Variants in ZNF585B observed in about 807,000 individuals in gnomAD.
The protein encoded by ZNF585B is zinc finger protein 585B, also known as zinc finger protein 41-like protein.
Under a neutral mutation model 14.0 loss-of-function variants are expected in ZNF585B, and 7 were observed. That is an observed-to-expected ratio of 0.50 (90% CI 0.28 to 0.94). The LOEUF is 0.94. Ranked by LOEUF, ZNF585B falls within the 40% of genes least tolerant of loss-of-function variation. The pLI is 0.09. For missense variants in ZNF585B, 750 were observed against 924.4 expected (o/e 0.81, Z 2.45); for synonymous variants, 290 against 317.3 (o/e 0.91, Z 0.91).
chr19:37,198,197 C>CT (rs1307161111), intron 2 of ZNF585B, among the ~76,000 whole-genome samples: 1 of 151,906 alleles, frequency 6.6e-6, no homozygotes, highest in East Asian at 1.9e-4. Flanking sequence ...TTGAGATGGA[C>CT]TTTTGCTCTT....
chr19:37,209,865 G>A (rs1207495374), intron 1 of ZNF585B, among the ~76,000 whole-genome samples: 1 of 151,272 alleles, frequency 6.6e-6, no homozygotes, highest in East Asian at 2.0e-4. Flanking sequence ...ACAGGCGCCC[G>A]CCACCACGCC....
At position 37,186,591 on chromosome 19, in the gene ZNF585B, G is replaced by T. The variant is rs1291494739; in HGVS notation, c.946C>A (p.His316Asn). 1.9e-6 allele frequency: 3 copies of T among 1,614,108 alleles called. No homozygotes were observed. Among genetic ancestry groups the T allele is most frequent in the Non-Finnish European group, 2.5e-6 (3 of 1,180,054 alleles). The change falls in exon 5 of 5, where the codon CAT becomes AAT. Residue 316 changes from histidine to asparagine, a missense_variant. Physicochemically the swap from His to Asn is moderately conservative, Grantham distance 68 (BLOSUM62 1). Transcript: ENST00000532828. ...TTCACTCTTGTGTGAACACGTTGAT[G>T]TACCTGAAGTTGTGACTTGGAAATG... ...SFISKSQLQV[H>N]QRVHTRVKPY... is the part of the protein sequence containing the mutation.
chr19:37,184,258 CAGG>C lies in ZNF585B; in HGVS notation c.*966_*968del, dbSNP rs1972292871. 6.6e-6 allele frequency: 1 copy of C among 151,788 alleles called. No individual in the cohort carries two copies. Among genetic ancestry groups the C allele is most frequent in the Admixed American group, 6.6e-5 (1 of 15,168 alleles). 9.4% of individuals were successfully genotyped at this position (151,788 alleles called of 1,614,324 possible). On this transcript the variant is annotated 3_prime_UTR_variant, in exon 5 of 5. Transcript: ENST00000532828. Reference sequence around the variant, plus strand: ...ATCCCAGCTACTCAGGAGGCTGAGGCAGGAGAATTGCTTGAGCCCGGGAGACGG... The same window carrying C: ...ATCCCAGCTACTCAGGAGGCTGAGGCAGAATTGCTTGAGCCCGGGAGACGG...
chr19:37,198,174 T>G (rs1468599726), intron 2 of ZNF585B, among the ~76,000 whole-genome samples: 3 of 152,084 alleles, frequency 2.0e-5, no homozygotes, highest in Non-Finnish European at 4.4e-5. Flanking sequence ...ATTTATTTTA[T>G]TATTATTATT....
At chr19:37,190,855 C>T (rs569068521) in intron 2 of ZNF585B, among the ~76,000 whole-genome samples, 4 of 152,180 alleles carry the variant, frequency 2.6e-5, no homozygotes, top group Admixed American at 6.5e-5. Context: ...TGAGCCACCG[C>T]GCCTGGCCAA....
chr19:37,197,137 C>G (rs150154229), intron 2 of ZNF585B, among the ~76,000 whole-genome samples: 19 of 151,968 alleles, frequency 1.3e-4, no homozygotes, highest in Non-Finnish European at 1.3e-4. Flanking sequence ...CCCAGCCCCC[C>G]ACCCCACAAC....
chr19:37,201,338 TAAACTATAGG>T (rs955868765), intron 2 of ZNF585B, among the ~76,000 whole-genome samples: 1 of 152,200 alleles, frequency 6.6e-6, no homozygotes, highest in Non-Finnish European at 1.5e-5. Flanking sequence ...TCAAAATTTA[TAAACTATAGG>T]AAACTATAGG....
At position 37,181,748 on chromosome 19, in the gene ZNF585B, T is replaced by G. The variant is rs1377814207; in HGVS notation, c.*3479A>C. ...GCTACGAAAAGACATGGAAGAAACT[T>G]AAATCCACATTACTAAGTGAAACAA... On this transcript the variant is annotated 3_prime_UTR_variant, in exon 5 of 5. Coordinates refer to ENST00000532828, the MANE Select transcript of ZNF585B (RefSeq NM_152279.4). The G allele has an allele frequency of 1.3e-5, 2 of 149,276 alleles. No individual in the cohort carries two copies. Among genetic ancestry groups the G allele is most frequent in the Non-Finnish European group, 3.0e-5 (2 of 67,566 alleles). The allele number at this position is 149,276 out of a possible 1,614,324, so 9.2% of individuals were successfully genotyped here.
intron 3 of ZNF585B, 79 bp from the exon 4 acceptor site, chr19:37,189,832 TGATG>T: frequency 6.3e-7 from 1 of 1,597,946 alleles, no homozygotes; most frequent in Non-Finnish European, 8.6e-7. Flanking sequence ...TATTGTTCAA[TGATG>T]GTTTGTTCTT....
At position 37,189,945 on chromosome 19, in the gene ZNF585B, T is replaced by C; in HGVS notation, c.199+79A>G. ...GGACAAAACCATCACCTATCTAAGA[T>C]GCCAACAGCATTCGTCAACTGAGAA... On this transcript the variant is annotated intron_variant, in intron 3 of 4. Transcript: ENST00000532828. 9 of 1,590,244 alleles carry C rather than the reference T, an allele frequency of 5.7e-6. No individual in the cohort carries two copies. In the South Asian group the frequency reaches 9.2e-5, roughly 16 times the overall value.
In ZNF585B at chr19:37,182,168, A is replaced by G. The variant is rs954388491; in HGVS notation, c.*3059T>C. 2 of 152,222 alleles carry G rather than the reference A, an allele frequency of 1.3e-5. No homozygotes were observed. The highest frequency in any genetic ancestry group is 2.4e-5 in the African/African-American group (1 of 41,454). The allele number at this position is 152,222 out of a possible 1,614,324, so 9.4% of individuals were successfully genotyped here. On this transcript the variant is annotated 3_prime_UTR_variant, in exon 5 of 5. Transcript: ENST00000532828. ...ATTTCTCTAAAAACTAGTCTTTTATATAAATGGGCATACATATACATATAT... is the reference window on the plus strand; with the variant it reads ...ATTTCTCTAAAAACTAGTCTTTTATGTAAATGGGCATACATATACATATAT...
At chr19:37,202,651 T>G (rs530821523) in intron 2 of ZNF585B, among the ~76,000 whole-genome samples, 6 of 151,556 alleles carry the variant, frequency 4.0e-5, no homozygotes, top group Admixed American at 2.6e-4. Context: ...TTTTTTTTTT[T>G]TTTTTTTTGA....
In ZNF585B at chr19:37,186,972, T is replaced by C. The variant is rs762518152; in HGVS notation, c.565A>G (p.Asn189Asp). 1.2e-6 allele frequency: 2 copies of C among 1,614,150 alleles called. No homozygotes were observed. The highest frequency in any genetic ancestry group is 4.5e-5 in the East Asian group (2 of 44,882). ...TGAAAAAAGGATTTTCCACATTCAT[T>C]GCACTTATAGGGCTTCTCTCTCATA... ...THMREKPYKCNECGKSFFQVS... is the reference protein window; with the variant it reads ...THMREKPYKCDECGKSFFQVS... Residue 189 changes from asparagine to aspartate, a missense_variant, in exon 5 of 5, where the codon AAT becomes GAT. Physicochemically the swap from Asn to Asp is conservative, Grantham distance 23. This residue lies in a region of ZNF585B where 517 missense variants were observed against 570.3 expected (regional missense o/e 0.91). Coordinates refer to ENST00000532828, the MANE Select transcript of ZNF585B (RefSeq NM_152279.4).
intron 2 of ZNF585B, among the ~76,000 whole-genome samples, chr19:37,203,142 GCTTTT>G (rs776952735): frequency 9.2e-5 from 14 of 151,908 alleles, no homozygotes; most frequent in East Asian, 1.9e-4. Context: ...TCATGTCTTT[GCTTTT>G]CTTTTTTTAG....
At chr19:37,187,471 G>A (rs1220902328) in intron 4 of ZNF585B, among the ~76,000 whole-genome samples, 7 of 152,096 alleles carry the variant, frequency 4.6e-5, no homozygotes, top group Non-Finnish European at 8.8e-5. Flanking sequence ...CCTATTTGTA[G>A]TCAATATTTT....
chr19:37,198,228 A>G (rs955604619), intron 2 of ZNF585B, among the ~76,000 whole-genome samples: 1 of 151,908 alleles, frequency 6.6e-6, no homozygotes, highest in Non-Finnish European at 1.5e-5. Flanking sequence ...TTGGAGTGTA[A>G]TGGCGTGATC....
chr19:37,208,983 C>T (rs1972616177), intron 1 of ZNF585B, among the ~76,000 whole-genome samples: 1 of 151,248 alleles, frequency 6.6e-6, no homozygotes, highest in Non-Finnish European at 1.5e-5. Context: ...CAGAGCAAGA[C>T]TCTGTCTCAA....
intron 2 of ZNF585B, among the ~76,000 whole-genome samples, chr19:37,199,818 G>GGTGGATC (rs906493934): frequency 3.9e-5 from 6 of 151,980 alleles, no homozygotes; most frequent in Non-Finnish European, 8.8e-5. Context: ...GGCCGAGGTG[G>GGTGGATC]GTGGATCATG....
chr19:37,200,295 T>TA (rs1972517424), intron 2 of ZNF585B, among the ~76,000 whole-genome samples: 1 of 151,758 alleles, frequency 6.6e-6, no homozygotes, highest in Non-Finnish European at 1.5e-5. Flanking sequence ...CTCACGCCTC[T>TA]AATCCCAGCA....
Sources: gnomAD v4.1 joint callset for allele counts (sites outside exome capture counted in the v4.1 genomes callset) on GRCh38, gnomAD v4.1.1 for gene constraint, gnomAD v4.1.1 regional missense constraint, MANE v1.5 for transcripts, NCBI Gene and HGNC (gene_info 2026-07-23, HGNC 2026-07-21) for gene names.